Variants in PCDHA7 observed in about 807,000 individuals in gnomAD.
The protein encoded by PCDHA7 is protocadherin alpha-7.
PCDHA7 carries 37 observed loss-of-function variants against 57.2 expected under a neutral mutation model. That is an observed-to-expected ratio of 0.65 (90% CI 0.50 to 0.85). The LOEUF (loss-of-function observed/expected upper bound fraction) is 0.85, where lower values mean the gene tolerates loss of function less well. Among genes scored for constraint, PCDHA7 ranks in the 40% least tolerant of loss-of-function variants. The pLI is 0.00. For synonymous variants in PCDHA7, 553 were observed against 558.8 expected (o/e 0.99, Z 0.15); for missense variants, 1,188 against 1,241.8 (o/e 0.96, Z 0.65).
rs782463268 is a variant in PCDHA7, at chr5:140,941,198, TCTTCCTTTCTTTCTTC to T, written c.2356-37747_2356-37732del. On this transcript the variant is annotated intron_variant, in intron 1 of 3. Transcript: ENST00000525929. ...AACATCCTGCTTCTTTTTTTTTCTTTCTTCCTTTCTTTCTTCCTTTCTTTCTTTCTTTCTTTCTTTC... is the reference window on the plus strand; with the variant it reads ...AACATCCTGCTTCTTTTTTTTTCTTTCTTTCTTTCTTTCTTTCTTTCTTTC... 2.9e-3 allele frequency among the ~76,000 whole-genome samples: 353 copies of T among 119,898 alleles called. 1 individual carries two copies. Among genetic ancestry groups the T allele is most frequent in the African/African-American group, 8.8e-3 (254 of 28,982 alleles). The allele number at this position is 119,898 out of a possible 152,430, so 78.7% of individuals were successfully genotyped here.
At chr5:140,970,156 T>G (rs933887683) in intron 1 of PCDHA7, among the ~76,000 whole-genome samples, 1 of 152,188 alleles carries the variant, frequency 6.6e-6, no homozygotes, top group Non-Finnish European at 1.5e-5. Flanking sequence ...CTCCCAATAG[T>G]CACCTTTCTT....
chr5:140,870,891 G>A, intron 1 of PCDHA7: 2 of 1,613,964 alleles, frequency 1.2e-6, no homozygotes, highest in Non-Finnish European at 1.7e-6. Flanking sequence ...TGCGCGCAGT[G>A]GATGCGGACT....
At chr5:140,974,910 C>T (rs1054560750) in intron 1 of PCDHA7, among the ~76,000 whole-genome samples, 1 of 152,114 alleles carries the variant, frequency 6.6e-6, no homozygotes, top group Admixed American at 6.5e-5. Flanking sequence ...AACAAATTAC[C>T]ACAAGTAAGT....
rs377370256 is a variant in PCDHA7 at position 140,966,811 on chromosome 5, G to A, written c.2356-12138G>A. On this transcript the variant is annotated intron_variant, in intron 1 of 3. Transcript: ENST00000525929. ...GACCTGCGGCGACAGAGCATCCACGGCTCCGGCGGCCCATGCCCTGGCTGC... is the reference window on the plus strand; with the variant it reads ...GACCTGCGGCGACAGAGCATCCACGACTCCGGCGGCCCATGCCCTGGCTGC... The A allele has an allele frequency of 1.4e-5, 21 of 1,549,722 alleles. No individual in the cohort carries two copies. The African/African-American group carries it at 2.6e-4, about 19-fold the overall frequency.
In PCDHA7 at chr5:140,877,192, G is replaced by C. The variant is rs202102698; in HGVS notation, c.2355+40454G>C. 3.5e-4 allele frequency: 559 copies of C among 1,613,846 alleles called. 3 individuals are homozygous for C. The African/African-American group carries it at 6.5e-3, about 19-fold the overall frequency. Reference sequence around the variant, plus strand: ...GCTGGCGACTCCGGCTGGCAGCGCAGGAGGCGCAGTTAGCGAGTTGGTACC... The same window carrying C: ...GCTGGCGACTCCGGCTGGCAGCGCACGAGGCGCAGTTAGCGAGTTGGTACC... On this transcript the variant is annotated intron_variant, in intron 1 of 3. Coordinates refer to ENST00000525929, the MANE Select transcript of PCDHA7 (RefSeq NM_018910.3).
Position 140,842,573 on chromosome 5 carries a change from G to A in PCDHA7, c.2355+5835G>A, listed in dbSNP as rs1190804367. The A allele has an allele frequency of 6.6e-6, 10 of 1,507,924 alleles. 1 individual carries two copies. In the African/African-American group the frequency reaches 7.3e-5, roughly 11 times the overall value. 93.4% of individuals were successfully genotyped at this position (1,507,924 alleles called of 1,614,324 possible). A position where few individuals can be genotyped will look rare whatever the true frequency, so the allele number is the denominator to read the frequency against. On this transcript the variant is annotated intron_variant, in intron 1 of 3. Transcript: ENST00000525929. ...GGACAGCGCCCTGGACCGCGAGAGA[G>A]TGTCGGCCTATGAGTTGGTGGTAAC...
At chr5:140,981,017 G>T (rs782757397) in intron 2 of PCDHA7, among the ~76,000 whole-genome samples, 42 of 152,076 alleles carry the variant, frequency 2.8e-4, no homozygotes, top group Non-Finnish European at 5.3e-4. Flanking sequence ...ACACTTGAAG[G>T]CTGTTAATAT....
Position 140,851,554 on chromosome 5 carries a change from A to G in PCDHA7, c.2355+14816A>G. On this transcript the variant is annotated intron_variant, in intron 1 of 3. Transcript: ENST00000525929. Reference sequence around the variant, plus strand: ...AATGTAGATAATTCAAGAAATGTTGACTGAAATTTTGTCTACACTTAGAAC... The same window carrying G: ...AATGTAGATAATTCAAGAAATGTTGGCTGAAATTTTGTCTACACTTAGAAC... 9.9e-6 allele frequency: 9 copies of G among 909,036 alleles called. 1 individual carries two copies. The highest frequency in any genetic ancestry group is 1.1e-5 in the Non-Finnish European group (8 of 746,402). The allele number at this position is 909,036 out of a possible 1,614,324, so 56.3% of individuals were successfully genotyped here.
intron 1 of PCDHA7, among the ~76,000 whole-genome samples, chr5:140,897,980 A>C (rs1313292712): frequency 6.6e-6 from 1 of 152,206 alleles, no homozygotes. Context: ...GGCTGCATAA[A>C]TGTCTTCTTT....
rs1490925820 is a variant in PCDHA7, at chr5:140,842,691, A to G, written c.2355+5953A>G. On this transcript the variant is annotated intron_variant, in intron 1 of 3. Coordinates refer to ENST00000525929, the MANE Select transcript of PCDHA7 (RefSeq NM_018910.3). The stretch of plus-strand genomic sequence containing the variant: ...AACGACAATGCTCCGGCGTTCGCGC[A>G]GCCCGAGTACACGGTGTTCGTGAAG... The G allele has an allele frequency of 1.9e-6, 3 of 1,595,232 alleles. 1 individual carries two copies. Among genetic ancestry groups the G allele is most frequent in the Non-Finnish European group, 2.6e-6 (3 of 1,165,546 alleles).
intron 3 of PCDHA7, among the ~76,000 whole-genome samples, chr5:140,992,017 CTGTG>C (rs10602499): frequency 0.28 from 40,265 of 145,404 alleles, 5,754 homozygotes; most frequent in East Asian, 0.38. Flanking sequence ...AGAGGTGGCT[CTGTG>C]TGTGTGTGTG....
chr5:140,869,745 T>C (rs1407210744), intron 1 of PCDHA7: 3 of 1,613,220 alleles, frequency 1.9e-6, no homozygotes, highest in Non-Finnish European at 2.5e-6. Context: ...TGCTAACAGC[T>C]ACAGACGGGG....
At chr5:140,907,970 A>C (rs1312755290) in intron 1 of PCDHA7, among the ~76,000 whole-genome samples, 3 of 152,158 alleles carry the variant, frequency 2.0e-5, no homozygotes, top group Admixed American at 2.0e-4. Flanking sequence ...CAATTTTCCA[A>C]TCATGCTTCT....
intron 3 of PCDHA7, among the ~76,000 whole-genome samples, chr5:140,989,551 C>A (rs964653534): frequency 1.3e-5 from 2 of 152,178 alleles, no homozygotes; most frequent in Non-Finnish European, 2.9e-5. Context: ...AATTCCTTTA[C>A]GTTTTGTGGC....
intron 1 of PCDHA7, chr5:140,966,931 C>T: frequency 6.2e-7 from 1 of 1,603,674 alleles, no homozygotes; most frequent in Non-Finnish European, 8.5e-7. Flanking sequence ...AGGCACCCGG[C>T]GCGCTCGTGG....
rs2150237732 is a variant in PCDHA7 at position 140,835,532 on chromosome 5, A to G, written c.1149A>G (p.Gly383=). The change falls in exon 1 of 4, where the codon GGA becomes GGG. Residue 383 remains glycine, a synonymous_variant. Coordinates refer to ENST00000525929, the MANE Select transcript of PCDHA7 (RefSeq NM_018910.3). ...SVFDRDFGVN[G]QVTCSLTPRV... ...TTGACCGAGATTTTGGAGTCAACGGACAGGTTACCTGCTCCCTGACGCCCC... is the reference window on the plus strand; with the variant it reads ...TTGACCGAGATTTTGGAGTCAACGGGCAGGTTACCTGCTCCCTGACGCCCC... The G allele has an allele frequency of 2.1e-5, 34 of 1,613,822 alleles. No individual in the cohort carries two copies. Among genetic ancestry groups the G allele is most frequent in the Admixed American group, 3.3e-5 (2 of 59,996 alleles).
At chr5:140,857,987 C>A (rs1562532129) in intron 1 of PCDHA7, 2 of 1,596,876 alleles carry the variant, frequency 1.3e-6, no homozygotes, top group East Asian at 4.5e-5. Context: ...CCAGCGCCTA[C>A]TGGTGCTGGT....
intron 1 of PCDHA7, among the ~76,000 whole-genome samples, chr5:140,940,805 A>G (rs957278090): frequency 6.6e-6 from 1 of 152,202 alleles, no homozygotes. Context: ...ATTTGCCAGG[A>G]TATCCTGAGA....
chr5:140,962,216 G>C (rs554182128), intron 1 of PCDHA7, among the ~76,000 whole-genome samples: 2 of 152,170 alleles, frequency 1.3e-5, no homozygotes, highest in African/African-American at 4.8e-5. Context: ...TATTGATCTT[G>C]AGGTTCAAGT....
Sources: gnomAD v4.1 joint callset for allele counts (sites outside exome capture counted in the v4.1 genomes callset) on GRCh38, gnomAD v4.1.1 for gene constraint, MANE v1.5 for transcripts, NCBI Gene and HGNC (gene_info 2026-07-23, HGNC 2026-07-21) for gene names.